SPOCK1: variants seen among roughly 807,000 people sequenced by gnomAD.
The protein encoded by SPOCK1 is SPARC (osteonectin), cwcv and kazal like domains proteoglycan 1, also known as testican-1.
Under a neutral mutation model 55.3 loss-of-function variants are expected in SPOCK1, and 23 were observed. That is an observed-to-expected ratio of 0.42 (90% confidence interval 0.30 to 0.59). The LOEUF is 0.59. SPOCK1 is among the 20% of genes least tolerant of loss of function. The pLI, the probability that SPOCK1 is intolerant of heterozygous loss-of-function variation, is 0.22. For synonymous variants in SPOCK1, 226 were observed against 221.0 expected, an observed-to-expected ratio of 1.02 and a Z score of -0.20; for missense variants, 499 against 552.5, an observed-to-expected ratio of 0.90 and a Z score of 0.97.
chr5:137,377,632 T>C (rs150349764), intron 2 of SPOCK1, among the ~76,000 whole-genome samples: 177 of 152,294 alleles, frequency 1.2e-3, no homozygotes, highest in African/African-American at 4.0e-3. Flanking sequence ...ATAAATTAAG[T>C]TTTTGGAAGA....
intron 2 of SPOCK1, among the ~76,000 whole-genome samples, chr5:137,293,567 A>C (rs973471596): frequency 2.6e-5 from 3 of 113,732 alleles, no homozygotes; most frequent in African/African-American, 3.9e-5. Flanking sequence ...GGGGCTCTGA[A>C]ATCCCACCTT....
chr5:137,472,542 G>T (rs1049805171), intron 2 of SPOCK1, among the ~76,000 whole-genome samples: 1 of 152,208 alleles, frequency 6.6e-6, no homozygotes, highest in East Asian at 1.9e-4. Flanking sequence ...GAAGGGGAGT[G>T]TAATTTGGCA....
At chr5:137,411,168 A>G (rs1389542383) in intron 2 of SPOCK1, among the ~76,000 whole-genome samples, 1 of 152,108 alleles carries the variant, frequency 6.6e-6, no homozygotes, top group African/African-American at 2.4e-5. Context: ...TCACAATACA[A>G]TGGAGTAGGG....
At chr5:137,313,431 C>T in intron 2 of SPOCK1, 1 of 985,424 alleles carries the variant, frequency 1.0e-6, no homozygotes, top group Non-Finnish European at 1.2e-6. Context: ...GTCTTACCTG[C>T]TGCAAGGGGT....
rs570133254 is a variant in SPOCK1 at position 137,442,253 on chromosome 5, T to A, written c.186+56120A>T. ...CAGTCATGCTAGCCCTTACGAGTCT[T>A]CAAGAACAATCATAGTTCGGGGACG... On this transcript the variant is annotated intron_variant, in intron 2 of 10. Transcript: ENST00000394945. Among the ~76,000 whole-genome samples, 5 of 152,212 alleles carry A rather than the reference T, an allele frequency of 3.3e-5. No individual in the cohort carries two copies. The South Asian group carries it at 8.3e-4, about 25-fold the overall frequency.
intron 2 of SPOCK1, among the ~76,000 whole-genome samples, chr5:137,274,859 C>T (rs561981619): frequency 1.2e-4 from 18 of 152,312 alleles, no homozygotes; most frequent in African/African-American, 3.9e-4. Context: ...ATCTAAGATT[C>T]GGTCACACCT....
At chr5:137,017,295 T>G (rs1751465950) in intron 6 of SPOCK1, among the ~76,000 whole-genome samples, 1 of 152,220 alleles carries the variant, frequency 6.6e-6, no homozygotes, top group Non-Finnish European at 1.5e-5. Context: ...TGGTAGGAGC[T>G]TCATACACAG....
chr5:137,250,202 T>C (rs1446145959), intron 3 of SPOCK1, among the ~76,000 whole-genome samples: 1 of 152,224 alleles, frequency 6.6e-6, no homozygotes, highest in Non-Finnish European at 1.5e-5. Flanking sequence ...CATACTGTAA[T>C]GGCAGCTTCC....
At chr5:137,279,006 G>A (rs1366805685) in intron 2 of SPOCK1, among the ~76,000 whole-genome samples, 1 of 152,096 alleles carries the variant, frequency 6.6e-6, no homozygotes, top group Admixed American at 6.5e-5. Flanking sequence ...TAGGGCCTGG[G>A]CACCCACAGA....
At chr5:137,186,635 T>C (rs1346838806) in intron 3 of SPOCK1, among the ~76,000 whole-genome samples, 1 of 152,226 alleles carries the variant, frequency 6.6e-6, no homozygotes, top group African/African-American at 2.4e-5. Context: ...TGGATTTATA[T>C]AAGGGCTATC....
Position 137,408,815 on chromosome 5 carries a change from C to G in SPOCK1, c.186+89558G>C, listed in dbSNP as rs543522097. Among the ~76,000 whole-genome samples the G allele has an allele frequency of 9.8e-5, 15 of 152,314 alleles. No homozygotes were observed. The South Asian group carries it at 2.7e-3, about 27-fold the overall frequency. On this transcript the variant is annotated intron_variant, in intron 2 of 10. Coordinates refer to ENST00000394945, the MANE Select transcript of SPOCK1 (RefSeq NM_004598.4). ...AGAACATGAGACAGACCAGGAGCAG[C>G]CCAGCTCCACCACTTACTAGCTGCA... is the stretch of plus-strand genomic sequence containing the variant.
Position 137,161,047 on chromosome 5 carries a change from T to C in SPOCK1, c.233-20353A>G, listed in dbSNP as rs867266967. Among the ~76,000 whole-genome samples, 3 of 146,968 alleles carry C rather than the reference T, an allele frequency of 2.0e-5. No homozygotes were observed. In the Admixed American group the frequency reaches 2.1e-4, roughly 10 times the overall value. On this transcript the variant is annotated intron_variant, in intron 3 of 10. Coordinates refer to ENST00000394945, the MANE Select transcript of SPOCK1 (RefSeq NM_004598.4). ...ATATATATTACATATATTTTATATA[T>C]ATCTCTCTAATATATTATATATCTC...
At chr5:137,365,377 C>T (rs1295253483) in intron 2 of SPOCK1, 1 of 152,220 alleles carries the variant, frequency 6.6e-6, no homozygotes, top group Non-Finnish European at 1.5e-5. Context: ...CTTTCTCAAG[C>T]CTTTCTAATT....
At chr5:137,060,242 C>T (rs1752370974) in intron 6 of SPOCK1, among the ~76,000 whole-genome samples, 1 of 152,178 alleles carries the variant, frequency 6.6e-6, no homozygotes, top group African/African-American at 2.4e-5. Context: ...ATGTGGTACA[C>T]ATGTACCATA....
At chr5:137,318,185 G>A (rs980983007) in intron 2 of SPOCK1, among the ~76,000 whole-genome samples, 13 of 151,744 alleles carry the variant, frequency 8.6e-5, no homozygotes, top group Admixed American at 7.2e-4. Context: ...TTTTCCTATC[G>A]TAACATTCCA....
intron 5 of SPOCK1, among the ~76,000 whole-genome samples, chr5:137,068,031 A>G (rs2127006443): frequency 6.6e-6 from 1 of 152,352 alleles, no homozygotes; most frequent in Admixed American, 6.5e-5. Flanking sequence ...GATAACTTCT[A>G]AAAACACTGT....
intron 3 of SPOCK1, among the ~76,000 whole-genome samples, chr5:137,210,886 G>A (rs951995773): frequency 1.6e-4 from 25 of 152,324 alleles, no homozygotes; most frequent in Middle Eastern, 6.8e-3. Flanking sequence ...CTGGAGTCCA[G>A]GGGCTCAATT....
At chr5:137,111,631 C>A (rs574341597) in intron 5 of SPOCK1, among the ~76,000 whole-genome samples, 2 of 152,244 alleles carry the variant, frequency 1.3e-5, no homozygotes, top group Admixed American at 6.5e-5. Context: ...TTCTCAATCA[C>A]AAATGGCCAT....
At chr5:137,364,110 C>A (rs1217332407) in intron 2 of SPOCK1, among the ~76,000 whole-genome samples, 2 of 152,360 alleles carry the variant, frequency 1.3e-5, no homozygotes, top group East Asian at 1.9e-4. Context: ...AAACTCTGAT[C>A]TTATTAACCT....
Sources: gnomAD v4.1 joint callset for allele counts (sites outside exome capture counted in the v4.1 genomes callset) on GRCh38, gnomAD v4.1.1 for gene constraint, MANE v1.5 for transcripts, NCBI Gene and HGNC (gene_info 2026-07-23, HGNC 2026-07-21) for gene names.